The following ACBD6 variants were observed in gnomAD, a reference collection of about 807,000 sequenced individuals.
The protein encoded by ACBD6 is acyl-CoA-binding domain-containing protein 6.
ACBD6 carries 28 observed loss-of-function variants against 37.2 expected under a neutral mutation model. That is an observed-to-expected ratio of 0.75 (90% CI 0.56 to 1.03). The LOEUF (loss-of-function observed/expected upper bound fraction) is 1.03. ACBD6 is among the 50% of genes least tolerant of loss of function. The pLI is 0.00. For synonymous variants in ACBD6, 113 were observed against 126.8 expected (o/e 0.89, Z 0.73); for missense variants, 340 against 337.4 (o/e 1.01, Z -0.06).
Position 180,439,428 on chromosome 1 carries a change from AAAC to A in ACBD6, c.385-9169_385-9167del, listed in dbSNP as rs1388557251. 1.7e-4 allele frequency among the ~76,000 whole-genome samples: 26 copies of A among 152,198 alleles called. 2 individuals are homozygous for A. In the South Asian group the frequency reaches 5.2e-3, roughly 30 times the overall value. On this transcript the variant is annotated intron_variant, in intron 3 of 7. Transcript: ENST00000367595. ...TGAAACCCCGTCTCTACTAAAAATA[AAAC>A]AACAACAAAATTAGCTGGGCATGGT... is the stretch of plus-strand genomic sequence containing the variant.
intron 4 of ACBD6, among the ~76,000 whole-genome samples, chr1:180,420,299 G>A (rs572504038): frequency 5.3e-5 from 8 of 152,212 alleles, no homozygotes; most frequent in Admixed American, 4.6e-4. Context: ...TGGCTCTGTC[G>A]TAAATCCTGT....
At position 180,333,909 on chromosome 1, in the gene ACBD6, C is replaced by T. The variant is rs532066936; in HGVS notation, c.664-19187G>A. 5.9e-5 allele frequency among the ~76,000 whole-genome samples: 9 copies of T among 152,324 alleles called. No individual in the cohort carries two copies. The South Asian group carries it at 8.3e-4, about 14-fold the overall frequency. On this transcript the variant is annotated intron_variant, in intron 6 of 7. Transcript: ENST00000367595. The stretch of plus-strand genomic sequence containing the variant: ...AGAGGGTCCTATGCCCACGGAGCCT[C>T]GCTCATTGCTAGCACAGCAGTCTGA...
chr1:180,330,819 C>A (rs1343556572), intron 6 of ACBD6, among the ~76,000 whole-genome samples: 1 of 152,188 alleles, frequency 6.6e-6, no homozygotes, highest in Non-Finnish European at 1.5e-5. Flanking sequence ...ACAGTGTAAA[C>A]AAGCAGTTGA....
intron 1 of ACBD6, among the ~76,000 whole-genome samples, chr1:180,497,503 A>T (rs1017524297): frequency 9.9e-5 from 15 of 152,206 alleles, no homozygotes; most frequent in African/African-American, 3.6e-4. Flanking sequence ...TACTCTCAGA[A>T]ATTAAGGATC....
intron 6 of ACBD6, among the ~76,000 whole-genome samples, chr1:180,318,460 A>G (rs1450271064): frequency 1.3e-5 from 2 of 152,072 alleles, no homozygotes; most frequent in Non-Finnish European, 2.9e-5. Flanking sequence ...ATTCTGGACT[A>G]TAAGTTTATT....
At chr1:180,365,267 TAGA>T (rs1653012431) in intron 6 of ACBD6, among the ~76,000 whole-genome samples, 1 of 152,196 alleles carries the variant, frequency 6.6e-6, no homozygotes, top group South Asian at 2.1e-4. Context: ...CTCTAGTTGA[TAGA>T]AGAACGTGCC....
chr1:180,388,913 A>C lies in ACBD6; in HGVS notation c.663+8603T>G, dbSNP rs936943152. On this transcript the variant is annotated intron_variant, in intron 6 of 7. Coordinates refer to ENST00000367595, the MANE Select transcript of ACBD6 (RefSeq NM_032360.4). ...AACATCAAATGAAAGAAATTAAATA[A>C]GACCTAAATAAATGGGAAGGCATCA... 3.3e-5 allele frequency among the ~76,000 whole-genome samples: 5 copies of C among 152,372 alleles called. No individual in the cohort carries two copies. In the South Asian group the frequency reaches 8.3e-4, roughly 25 times the overall value.
chr1:180,339,523 G>T (rs1651890377), intron 6 of ACBD6, among the ~76,000 whole-genome samples: 1 of 94,082 alleles, frequency 1.1e-5, no homozygotes, highest in Admixed American at 1.3e-4. Context: ...ACACCCCGGG[G>T]CCTGTTGTAG....
chr1:180,443,621 GT>G (rs765773391), intron 3 of ACBD6, among the ~76,000 whole-genome samples: 103 of 151,836 alleles, frequency 6.8e-4, no homozygotes, highest in Non-Finnish European at 1.4e-3. Flanking sequence ...TTTTTGTTTT[GT>G]TTTGTTTTTA....
At chr1:180,395,250 G>A (rs557329758) in intron 6 of ACBD6, among the ~76,000 whole-genome samples, 1 of 152,212 alleles carries the variant, frequency 6.6e-6, no homozygotes, top group East Asian at 1.9e-4. Context: ...GGATGCTGGT[G>A]TTTAGTGTTA....
chr1:180,356,164 T>C (rs1652622330), intron 6 of ACBD6, among the ~76,000 whole-genome samples: 2 of 146,134 alleles, frequency 1.4e-5, no homozygotes, highest in Admixed American at 6.8e-5. Flanking sequence ...TGAGCCACCG[T>C]GCCTGGCCTA....
intron 6 of ACBD6, among the ~76,000 whole-genome samples, chr1:180,365,018 C>A (rs1209213177): frequency 6.6e-6 from 1 of 152,162 alleles, no homozygotes; most frequent in African/African-American, 2.4e-5. Context: ...CGGGCATGAG[C>A]CACCGCGCCT....
At chr1:180,387,431 T>C (rs987203932) in intron 6 of ACBD6, among the ~76,000 whole-genome samples, 1 of 152,234 alleles carries the variant, frequency 6.6e-6, no homozygotes, top group South Asian at 2.1e-4. Flanking sequence ...TGGTCTCCAC[T>C]GACACCACAC....
chr1:180,274,799 AG>A (rs1043776625), exon 10 of ACBD6: 10 of 558,486 alleles, frequency 1.8e-5, no homozygotes, highest in Middle Eastern at 4.7e-4. Flanking sequence ...AACACAGCAC[AG>A]GGGGTAATGG....
At chr1:180,425,576 C>T (rs984012643) in intron 4 of ACBD6, among the ~76,000 whole-genome samples, 2 of 152,074 alleles carry the variant, frequency 1.3e-5, no homozygotes, top group African/African-American at 2.4e-5. Flanking sequence ...GCATAAAAAT[C>T]CAAATATTCA....
At chr1:180,461,166 T>C (rs962018943) in intron 3 of ACBD6, among the ~76,000 whole-genome samples, 9 of 152,100 alleles carry the variant, frequency 5.9e-5, no homozygotes, top group Non-Finnish European at 2.9e-5. Flanking sequence ...TTGAAGACTA[T>C]GTTTCTGAAA....
intron 3 of ACBD6, among the ~76,000 whole-genome samples, chr1:180,460,866 T>C (rs1650119018): frequency 6.6e-6 from 1 of 152,148 alleles, no homozygotes; most frequent in South Asian, 2.1e-4. Flanking sequence ...ACATCGCTGC[T>C]CCAGCAAGGG....
At chr1:180,459,177 T>A (rs1650034790) in intron 3 of ACBD6, among the ~76,000 whole-genome samples, 1 of 152,224 alleles carries the variant, frequency 6.6e-6, no homozygotes, top group African/African-American at 2.4e-5. Context: ...ATATTCCCGT[T>A]ATTCAAAAGA....
chr1:180,433,633 G>A (rs1450580495), intron 3 of ACBD6, among the ~76,000 whole-genome samples: 1 of 151,936 alleles, frequency 6.6e-6, no homozygotes, highest in African/African-American at 2.4e-5. Context: ...GAGAGAGAGC[G>A]AGAGTGAGAG....
Sources: gnomAD v4.1 joint callset for allele counts (sites outside exome capture counted in the v4.1 genomes callset) on GRCh38, gnomAD v4.1.1 for gene constraint, MANE v1.5 for transcripts, NCBI Gene and HGNC (gene_info 2026-07-23, HGNC 2026-07-21) for gene names.